Variants in XRCC4 observed in about 807,000 individuals in gnomAD.
XRCC4 encodes the protein DNA repair protein XRCC4.
Under a neutral mutation model 39.1 loss-of-function variants are expected in XRCC4, and 28 were observed. The observed-to-expected ratio is 0.72, with a 90% CI of 0.53 to 0.98. The LOEUF (loss-of-function observed/expected upper bound fraction) is 0.98, where lower values mean the gene tolerates loss of function less well. XRCC4 is among the 50% of genes least tolerant of loss of function. The pLI, the probability that XRCC4 is intolerant of heterozygous loss-of-function variation, is 0.00. For synonymous variants in XRCC4, 123 were observed against 126.4 expected, an observed-to-expected ratio of 0.97 and a Z score of 0.18; for missense variants, 350 against 376.4, an observed-to-expected ratio of 0.93 and a Z score of 0.58.
chr5:83,168,034 T>C lies in XRCC4; in HGVS notation c.316-27736T>C, dbSNP rs143672072. ...AACAAAGGAAAATAAACGCAGAAAA[T>C]AGGAAAACAAAAAATGATGGTAGAT... On this transcript the variant is annotated intron_variant, in intron 3 of 7. Coordinates refer to ENST00000396027, the MANE Select transcript of XRCC4 (RefSeq NM_003401.5). 4.2e-4 allele frequency among the ~76,000 whole-genome samples: 64 copies of C among 151,808 alleles called. No homozygotes were observed. The East Asian group carries it at 0.012, about 28-fold the overall frequency.
intron 3 of XRCC4, among the ~76,000 whole-genome samples, chr5:83,170,045 A>G (rs1049996711): frequency 3.3e-5 from 5 of 152,162 alleles, no homozygotes; most frequent in Non-Finnish European, 7.3e-5. Context: ...TTTCTATAGA[A>G]TAGAGAAACT....
rs28360216 is a variant in XRCC4, at chr5:83,250,633, A to G, written c.746-7897A>G. On this transcript the variant is annotated intron_variant, in intron 6 of 7. Coordinates refer to ENST00000396027, the MANE Select transcript of XRCC4 (RefSeq NM_003401.5). ...CCAAAAAGGTGGTTGTATAGTTTCA[A>G]TTCAGATTTGCTGTTTGAGTTCGTT... Among the ~76,000 whole-genome samples the G allele has an allele frequency of 5.9e-3, 905 of 152,332 alleles. 12 individuals carry two copies. The highest frequency in any genetic ancestry group is 0.021 in the African/African-American group (869 of 41,580).
chr5:83,216,191 T>A (rs1193342022), intron 6 of XRCC4, among the ~76,000 whole-genome samples: 2 of 152,178 alleles, frequency 1.3e-5, no homozygotes, highest in African/African-American at 4.8e-5. Context: ...GATATAAGAA[T>A]TGTTAATAAT....
At chr5:83,292,957 A>AT (rs1423596335) in intron 7 of XRCC4, among the ~76,000 whole-genome samples, 1 of 151,980 alleles carries the variant, frequency 6.6e-6, no homozygotes, top group Non-Finnish European at 1.5e-5. Context: ...GTATATGGTA[A>AT]TCTAGGTATA....
At chr5:83,229,892 T>A (rs1288139989) in intron 6 of XRCC4, among the ~76,000 whole-genome samples, 1 of 151,866 alleles carries the variant, frequency 6.6e-6, no homozygotes, top group Non-Finnish European at 1.5e-5. Flanking sequence ...TTATTGAAAA[T>A]TAAATAAAGT....
chr5:83,266,376 AATAAAATATTTT>A (rs1753955160), intron 7 of XRCC4, among the ~76,000 whole-genome samples: 1 of 151,192 alleles, frequency 6.6e-6, no homozygotes, highest in African/African-American at 2.4e-5. Flanking sequence ...TATGAAATAA[AATAAAATATTTT>A]ACCCACTAGA....
Position 83,353,403 on chromosome 5 carries a change from G to T in XRCC4, c.*161G>T. The stretch of plus-strand genomic sequence containing the variant: ...CCATTGTGCAAAATGGATTACACAT[G>T]TATACAAAGATACGATTTGATGATG... On this transcript the variant is annotated 3_prime_UTR_variant, in exon 8 of 8. Transcript: ENST00000396027. The T allele has an allele frequency of 1.9e-6, 1 of 537,880 alleles. No homozygotes were observed. The allele number at this position is 537,880 out of a possible 1,614,324, so 33.3% of individuals were successfully genotyped here.
chr5:83,087,055 A>T (rs1465773969), intron 1 of XRCC4, among the ~76,000 whole-genome samples: 1 of 152,098 alleles, frequency 6.6e-6, no homozygotes, highest in Admixed American at 6.6e-5. Flanking sequence ...GGTGGCTCAC[A>T]CCTGTAATTC....
the XRCC4 span, among the ~76,000 whole-genome samples, chr5:83,359,407 C>T: frequency 6.6e-6 from 1 of 152,128 alleles, no homozygotes; most frequent in Non-Finnish European, 1.5e-5. Flanking sequence ...AACTTGAGTT[C>T]TTGGCCTGGC....
chr5:83,371,338 T>A, the XRCC4 span, among the ~76,000 whole-genome samples: 1 of 152,222 alleles, frequency 6.6e-6, no homozygotes, highest in African/African-American at 2.4e-5. Flanking sequence ...ACTGCATATT[T>A]GTTTTTCTGA....
At chr5:83,154,570 T>C (rs1211822745) in intron 3 of XRCC4, among the ~76,000 whole-genome samples, 1 of 152,212 alleles carries the variant, frequency 6.6e-6, no homozygotes, top group Non-Finnish European at 1.5e-5. Context: ...AACCAAAATG[T>C]AGACAATTAT....
chr5:83,099,867 C>A (rs1480099587), intron 1 of XRCC4, among the ~76,000 whole-genome samples: 3 of 152,106 alleles, frequency 2.0e-5, no homozygotes, highest in African/African-American at 7.2e-5. Context: ...AAAACTATGG[C>A]TGACTATTCC....
In XRCC4 at chr5:83,144,301, G is replaced by A. The variant is rs10073244; in HGVS notation, c.315+33098G>A. ...TGTGTGTGTGTGTGTGTGTGTGTGT[G>A]TGTGTAAAATTGAACATCCACATGT... On this transcript the variant is annotated intron_variant, in intron 3 of 7. Transcript: ENST00000396027. 3.0e-3 allele frequency among the ~76,000 whole-genome samples: 442 copies of A among 148,582 alleles called. 1 individual carries two copies. Among genetic ancestry groups the A allele is most frequent in the African/African-American group, 0.011 (422 of 39,138 alleles).
intron 7 of XRCC4, among the ~76,000 whole-genome samples, chr5:83,287,365 A>G (rs1274110667): frequency 1.3e-5 from 2 of 152,098 alleles, no homozygotes; most frequent in Non-Finnish European, 2.9e-5. Flanking sequence ...TGTAACAGAG[A>G]GAGAATAGCA....
At chr5:83,118,276 C>G (rs181397050) in intron 3 of XRCC4, among the ~76,000 whole-genome samples, 10 of 151,436 alleles carry the variant, frequency 6.6e-5, no homozygotes, top group Admixed American at 2.0e-4. Flanking sequence ...GAGACACAGG[C>G]TTCTTTGATC....
intron 7 of XRCC4, among the ~76,000 whole-genome samples, chr5:83,312,118 A>C (rs1162666438): frequency 6.6e-6 from 1 of 151,976 alleles, no homozygotes; most frequent in Admixed American, 6.6e-5. Context: ...GCTACAGAAA[A>C]CCCTCTCATA....
intron 7 of XRCC4, among the ~76,000 whole-genome samples, chr5:83,264,606 C>T (rs1313768641): frequency 3.3e-5 from 5 of 152,006 alleles, no homozygotes; most frequent in South Asian, 2.1e-4. Context: ...ATGGGAAACT[C>T]GTAATCCCAC....
At chr5:83,349,226 AC>A (rs1275695767) in intron 7 of XRCC4, among the ~76,000 whole-genome samples, 1 of 152,062 alleles carries the variant, frequency 6.6e-6, no homozygotes, top group Non-Finnish European at 1.5e-5. Flanking sequence ...GGAGAAGTCC[AC>A]CCCCGTGATC....
At chr5:83,337,232 TG>T (rs977787281) in intron 7 of XRCC4, among the ~76,000 whole-genome samples, 5 of 152,292 alleles carry the variant, frequency 3.3e-5, no homozygotes, top group African/African-American at 1.2e-4. Flanking sequence ...TAATTCTGAA[TG>T]AAACAATTCT....
Sources: gnomAD v4.1 joint callset for allele counts (sites outside exome capture counted in the v4.1 genomes callset) on GRCh38, gnomAD v4.1.1 for gene constraint, MANE v1.5 for transcripts, NCBI Gene and HGNC (gene_info 2026-07-23, HGNC 2026-07-21) for gene names.